Variants in HTR2C observed in about 807,000 individuals in gnomAD.
HTR2C encodes the protein 5-hydroxytryptamine receptor 2C, also known as 5-hydroxytryptamine (serotonin) receptor 2C, G protein-coupled.
HTR2C carries 5 observed loss-of-function variants against 21.0 expected under a neutral mutation model. The ratio of observed to expected loss-of-function variants is 0.24; its 90% confidence interval spans 0.12 to 0.50. The LOEUF (loss-of-function observed/expected upper bound fraction) is 0.50. Ranked by LOEUF, HTR2C falls within the 20% of genes least tolerant of loss-of-function variation. The probability of loss-of-function intolerance (pLI) is 0.98; values close to 1 mark genes in which losing one functional copy is unlikely to be tolerated. For missense variants in HTR2C, 271 were observed against 371.2 expected (o/e 0.73, Z 2.22); for synonymous variants, 150 against 145.3 (o/e 1.03, Z -0.23).
chrX:114,830,655 G>A (rs1282263246), intron 4 of HTR2C, among the ~76,000 whole-genome samples: 1 of 47,094 alleles, frequency 2.1e-5, no homozygotes, highest in African/African-American at 7.4e-5. Context: ...GAGTTAAAGA[G>A]ATAAACTTTA....
intron 1 of HTR2C, among the ~76,000 whole-genome samples, chrX:114,591,441 T>C (rs1201837313): frequency 1.8e-5 from 2 of 111,768 alleles, no homozygotes; most frequent in Non-Finnish European, 3.8e-5. Flanking sequence ...ATGGTAGAAT[T>C]ATGCGCCCAA....
intron 5 of HTR2C, among the ~76,000 whole-genome samples, chrX:114,867,856 T>A (rs1172751186): frequency 9.0e-6 from 1 of 111,278 alleles, no homozygotes; most frequent in Non-Finnish European, 1.9e-5. Flanking sequence ...TTCTGTTCCC[T>A]TGGTCTGTAT....
At chrX:114,885,336 C>T (rs2071212663) in intron 5 of HTR2C, among the ~76,000 whole-genome samples, 1 of 111,172 alleles carries the variant, frequency 9.0e-6, no homozygotes, top group Non-Finnish European at 1.9e-5. Flanking sequence ...ACATGCTATA[C>T]AGGAGTCCAG....
chrX:114,701,416 T>A (rs782641322), intron 2 of HTR2C, among the ~76,000 whole-genome samples: 3 of 111,726 alleles, frequency 2.7e-5, no homozygotes, highest in South Asian at 3.8e-4. Context: ...AAACCTGCTG[T>A]TCTGCAGCCA....
chrX:114,799,402 AC>A (rs1173956485), intron 4 of HTR2C, among the ~76,000 whole-genome samples: 1 of 109,648 alleles, frequency 9.1e-6, no homozygotes, highest in Non-Finnish European at 1.9e-5. Flanking sequence ...TACTTGTTTC[AC>A]CCCTTGTGAG....
chrX:114,776,628 A>G (rs1256014305), intron 4 of HTR2C: 1 of 511,232 alleles, frequency 2.0e-6, no homozygotes, highest in African/African-American at 2.3e-5. Context: ...TCACCAATCA[A>G]TCATTCAGTG....
At chrX:114,675,832 A>AT (rs1931533740) in intron 2 of HTR2C, among the ~76,000 whole-genome samples, 1 of 104,737 alleles carries the variant, frequency 9.5e-6, no homozygotes, top group African/African-American at 3.4e-5. Context: ...ATGTTGAAAG[A>AT]TTTTCTAAGT....
chrX:114,703,030 C>A (rs1395926494), intron 2 of HTR2C, among the ~76,000 whole-genome samples: 30 of 84,215 alleles, frequency 3.6e-4, no homozygotes, highest in East Asian at 1.8e-3. Flanking sequence ...TATATATGCA[C>A]CCAATACAGG....
intron 2 of HTR2C, among the ~76,000 whole-genome samples, chrX:114,718,554 T>C (rs1933062897): frequency 1.8e-5 from 2 of 112,106 alleles, no homozygotes; most frequent in Admixed American, 1.9e-4. Context: ...TTGTGTAAAA[T>C]TGTACTATTG....
chrX:114,615,974 T>C (rs1013037305), intron 2 of HTR2C, among the ~76,000 whole-genome samples: 1 of 111,955 alleles, frequency 8.9e-6, no homozygotes, highest in Non-Finnish European at 1.9e-5. Flanking sequence ...AAGGGGAAAA[T>C]ATGCCTCAAA....
chrX:114,648,687 C>A (rs181646491), intron 2 of HTR2C, among the ~76,000 whole-genome samples: 1 of 111,790 alleles, frequency 8.9e-6, no homozygotes, highest in Admixed American at 9.5e-5. Flanking sequence ...ATGATTGTGC[C>A]ACTGCGCTCC....
At chrX:114,859,405 G>A (rs1205721505) in intron 5 of HTR2C, among the ~76,000 whole-genome samples, 4 of 110,257 alleles carry the variant, frequency 3.6e-5, no homozygotes, top group African/African-American at 1.3e-4. Context: ...AACATGAATG[G>A]CAATATTAAT....
At chrX:114,778,163 A>G (rs2070078008) in intron 4 of HTR2C, among the ~76,000 whole-genome samples, 1 of 111,516 alleles carries the variant, frequency 9.0e-6, no homozygotes, top group Middle Eastern at 4.6e-3. Context: ...CATTAACTCA[A>G]TGGTATTTTC....
intron 4 of HTR2C, among the ~76,000 whole-genome samples, chrX:114,838,805 A>T (rs1556464788): frequency 8.9e-6 from 1 of 112,250 alleles, no homozygotes; most frequent in African/African-American, 3.2e-5. Context: ...ACATAATTCC[A>T]CACATTGTTC....
chrX:114,866,194 G>T (rs1385588782), intron 5 of HTR2C, among the ~76,000 whole-genome samples: 4 of 111,121 alleles, frequency 3.6e-5, no homozygotes, highest in Non-Finnish European at 7.5e-5. Flanking sequence ...GAAGAAGAAA[G>T]TTTTTAATTG....
chrX:114,771,047 C>A (rs1436336566), intron 4 of HTR2C, among the ~76,000 whole-genome samples: 1 of 110,961 alleles, frequency 9.0e-6, no homozygotes, highest in Non-Finnish European at 1.9e-5. Flanking sequence ...AGTGATCCAC[C>A]CACATTGGCC....
In HTR2C at chrX:114,798,754, T is replaced by C. The variant is rs782755394; in HGVS notation, c.350-49249T>C. 2.6e-3 allele frequency among the ~76,000 whole-genome samples: 289 copies of C among 111,018 alleles called. 1 individual carries two copies. The highest frequency in any genetic ancestry group is 9.0e-3 in the African/African-American group (276 of 30,750). On this transcript the variant is annotated intron_variant, in intron 4 of 5. Transcript: ENST00000276198. ...ATAAAAATACTACTTAACCATAATA[T>C]GTTATTGCAGGTCATAGTAAAGACA... is the stretch of plus-strand genomic sequence containing the variant.
intron 2 of HTR2C, among the ~76,000 whole-genome samples, chrX:114,656,335 GAA>G (rs782537503): frequency 1.4e-4 from 16 of 111,434 alleles, no homozygotes; most frequent in African/African-American, 5.2e-4. Flanking sequence ...TGAAGAAAAA[GAA>G]TGCTCATTTA....
chrX:114,870,093 A>T lies in HTR2C; in HGVS notation c.550+21890A>T, dbSNP rs1293520002. Among the ~76,000 whole-genome samples, 453 of 99,146 alleles carry T rather than the reference A, an allele frequency of 4.6e-3. 4 individuals are homozygous for T. The highest frequency in any genetic ancestry group is 6.9e-3 in the Non-Finnish European group (356 of 51,590). 86.1% of individuals were successfully genotyped at this position (99,146 alleles called of 115,157 possible). ...TCCTGTAGTTTTATTTATTATTATT[A>T]TTATTTTTTTTGAGATGGGGTTTAA... On this transcript the variant is annotated intron_variant, in intron 5 of 5. Coordinates refer to ENST00000276198, the MANE Select transcript of HTR2C (RefSeq NM_000868.4).
Sources: gnomAD v4.1 joint callset for allele counts (sites outside exome capture counted in the v4.1 genomes callset) on GRCh38, gnomAD v4.1.1 for gene constraint, MANE v1.5 for transcripts, NCBI Gene and HGNC (gene_info 2026-07-23, HGNC 2026-07-21) for gene names.